Variants in PPFIA1 observed in about 807,000 individuals in gnomAD.
The protein encoded by PPFIA1 is PPFI scaffold protein A1.
Under a neutral mutation model 149.9 loss-of-function variants are expected in PPFIA1, and 25 were observed. That is an observed-to-expected ratio of 0.17 (90% CI 0.12 to 0.23). PPFIA1 has a LOEUF of 0.23. Among genes scored for constraint, PPFIA1 ranks in the 10% least tolerant of loss-of-function variants. The pLI, the probability that PPFIA1 is intolerant of heterozygous loss-of-function variation, is 1.00. For missense variants in PPFIA1, 1,362 were observed against 1,506.5 expected, an observed-to-expected ratio of 0.90 and a Z score of 1.59; for synonymous variants, 549 against 552.8, an observed-to-expected ratio of 0.99 and a Z score of 0.10.
chr11:70,351,393 C>T (rs539420997), intron 16 of PPFIA1, among the ~76,000 whole-genome samples: 1 of 152,330 alleles, frequency 6.6e-6, no homozygotes, highest in South Asian at 2.1e-4. Flanking sequence ...GCATTGGGCT[C>T]TTGCTGTATG....
intron 2 of PPFIA1, among the ~76,000 whole-genome samples, chr11:70,302,814 G>T (rs1480542668): frequency 2.9e-5 from 4 of 137,860 alleles, no homozygotes; most frequent in Non-Finnish European, 6.1e-5. Context: ...CCAGTATGTT[G>T]CCCAGGCTGA....
intron 14 of PPFIA1, among the ~76,000 whole-genome samples, chr11:70,342,380 CT>C (rs1341659894): frequency 6.6e-6 from 1 of 152,102 alleles, no homozygotes; most frequent in Non-Finnish European, 1.5e-5. Context: ...GTGTTGGGGG[CT>C]TGAAGAGTGA....
At chr11:70,301,323 A>G (rs2052474898) in intron 2 of PPFIA1, among the ~76,000 whole-genome samples, 1 of 152,204 alleles carries the variant, frequency 6.6e-6, no homozygotes, top group Admixed American at 6.5e-5. Context: ...GGGAAGATGG[A>G]GAGAACTCAG....
At chr11:70,368,074 G>A (rs948937409) in intron 21 of PPFIA1, among the ~76,000 whole-genome samples, 3 of 152,170 alleles carry the variant, frequency 2.0e-5, no homozygotes, top group African/African-American at 7.2e-5. Flanking sequence ...GAAAGTGGAC[G>A]TTACAGTGAG....
intron 21 of PPFIA1, chr11:70,367,417 C>T (rs547043952): frequency 2.2e-4 from 94 of 419,204 alleles, no homozygotes; most frequent in African/African-American, 1.7e-3. Context: ...GTGCTGGCTG[C>T]GTGGAGCATC....
intron 11 of PPFIA1, among the ~76,000 whole-genome samples, chr11:70,336,695 G>T (rs2055000675): frequency 6.6e-6 from 1 of 152,122 alleles, no homozygotes; most frequent in Admixed American, 6.6e-5. Flanking sequence ...AAACATGTTA[G>T]CTGTCACCAG....
At chr11:70,368,086 C>T (rs775453664) in intron 21 of PPFIA1, among the ~76,000 whole-genome samples, 11 of 152,034 alleles carry the variant, frequency 7.2e-5, no homozygotes, top group Non-Finnish European at 1.3e-4. Context: ...TACAGTGAGC[C>T]GAGATCATGC....
At chr11:70,281,149 G>C (rs1183463630) in intron 2 of PPFIA1, among the ~76,000 whole-genome samples, 15 of 151,948 alleles carry the variant, frequency 9.9e-5, no homozygotes, top group Admixed American at 9.8e-4. Context: ...AGGTTCATTT[G>C]TTGATAACGC....
chr11:70,367,676 A>G (rs944739834), intron 21 of PPFIA1: 1 of 453,598 alleles, frequency 2.2e-6, no homozygotes, highest in Non-Finnish European at 4.4e-6. Flanking sequence ...AGTTCATGTT[A>G]TAGGCCACTT....
chr11:70,296,600 C>T (rs1468747630), intron 2 of PPFIA1, among the ~76,000 whole-genome samples: 3 of 151,634 alleles, frequency 2.0e-5, no homozygotes, highest in East Asian at 1.9e-4. Flanking sequence ...GAGAATCAGG[C>T]AGGGAGGTTG....
At chr11:70,340,561 G>A (rs1472170898) in intron 14 of PPFIA1, among the ~76,000 whole-genome samples, 4 of 152,208 alleles carry the variant, frequency 2.6e-5, no homozygotes, top group African/African-American at 9.6e-5. Flanking sequence ...ATACACGCAA[G>A]TATAATTTTA....
At chr11:70,315,801 C>T (rs1565384152) in intron 2 of PPFIA1, among the ~76,000 whole-genome samples, 1 of 145,884 alleles carries the variant, frequency 6.9e-6, no homozygotes, top group Non-Finnish European at 1.5e-5. Flanking sequence ...GCAACCATTA[C>T]TGCCACACAT....
At chr11:70,278,218 T>C (rs1565332714) in intron 2 of PPFIA1, among the ~76,000 whole-genome samples, 1 of 152,000 alleles carries the variant, frequency 6.6e-6, no homozygotes, top group Non-Finnish European at 1.5e-5. Context: ...CTTTTTTTTT[T>C]TAAATGTGAT....
At position 70,338,319 on chromosome 11, in the gene PPFIA1, T is replaced by C. The variant is rs563409720; in HGVS notation, c.1492-55T>C. 18 of 1,365,196 alleles carry C rather than the reference T, an allele frequency of 1.3e-5. No individual in the cohort carries two copies. In the Admixed American group the frequency reaches 1.4e-4, roughly 10 times the overall value. 84.6% of individuals were successfully genotyped at this position (1,365,196 alleles called of 1,614,324 possible). A position where few individuals can be genotyped will look rare whatever the true frequency, so the allele number is the denominator to read the frequency against. On this transcript the variant is annotated intron_variant, in intron 12 of 27. Transcript: ENST00000253925. ...AACATCTGAGCACATTTGAAGTAAG[T>C]GGTTTTAAAATCTAAAAGAGATAGC... is the stretch of plus-strand genomic sequence containing the variant.
chr11:70,369,372 T>C (rs2057116523), intron 21 of PPFIA1, among the ~76,000 whole-genome samples: 1 of 152,228 alleles, frequency 6.6e-6, no homozygotes, highest in South Asian at 2.1e-4. Context: ...TAATATGTTG[T>C]TGACTTGGCA....
chr11:70,338,270 A>T (rs951931349), intron 12 of PPFIA1, 104 bp from the exon 13 acceptor site: 4 of 911,882 alleles, frequency 4.4e-6, no homozygotes, highest in Non-Finnish European at 6.9e-6. Context: ...GTAACTGCTG[A>T]TTTAACCTGT....
intron 1 of PPFIA1, 70 bp from the exon 2 acceptor site, chr11:70,272,103 G>A (rs529639843): frequency 2.0e-6 from 3 of 1,502,198 alleles, no homozygotes; most frequent in African/African-American, 2.8e-5. Flanking sequence ...ACAGATACCT[G>A]TAAAGTTGCA....
chr11:70,335,713 A>T lies in PPFIA1; in HGVS notation c.1428+19A>T. On this transcript the variant is annotated intron_variant, in intron 11 of 27. Transcript: ENST00000253925. ...AGATAAGGTAAGTTAGATAACACGGACATGCTGGAGCTTTCCCACCCTCTG... is the reference window on the plus strand; with the variant it reads ...AGATAAGGTAAGTTAGATAACACGGTCATGCTGGAGCTTTCCCACCCTCTG... 6.2e-7 allele frequency: 1 copy of T among 1,613,070 alleles called. No individual in the cohort carries two copies. The highest frequency in any genetic ancestry group is 8.5e-7 in the Non-Finnish European group (1 of 1,179,428).
intron 2 of PPFIA1, among the ~76,000 whole-genome samples, chr11:70,295,858 G>A (rs1398687540): frequency 1.1e-4 from 17 of 151,432 alleles, no homozygotes; most frequent in South Asian, 2.1e-4. Flanking sequence ...GGTGGCTGCT[G>A]GGCGGAGGGG....
Sources: allele counts gnomAD v4.1 joint callset (sites outside exome capture counted in the v4.1 genomes callset), GRCh38; gene constraint gnomAD v4.1.1; transcripts MANE v1.5; gene names NCBI Gene and HGNC (gene_info 2026-07-23, HGNC 2026-07-21).